The following SEC14L1 variants were observed in gnomAD, a reference collection of about 807,000 sequenced individuals.
SEC14L1 encodes the protein SEC14-like protein 1.
SEC14L1 carries 48 observed loss-of-function variants against 85.3 expected under a neutral mutation model. The ratio of observed to expected loss-of-function variants is 0.56; its 90% CI spans 0.45 to 0.72. SEC14L1 has a LOEUF of 0.72. Ranked by LOEUF, SEC14L1 falls within the 30% of genes least tolerant of loss-of-function variation. The probability of loss-of-function intolerance (pLI) is 0.00; values close to 1 mark genes in which losing one functional copy is unlikely to be tolerated. For synonymous variants in SEC14L1, 391 were observed against 355.5 expected (o/e 1.10, Z -1.12); for missense variants, 682 against 921.4 (o/e 0.74, Z 3.36).
chr17:77,161,361 C>T (rs536743253), intron 3 of SEC14L1, among the ~76,000 whole-genome samples: 1 of 152,302 alleles, frequency 6.6e-6, no homozygotes, highest in South Asian at 2.1e-4. Context: ...GTGGCACCCA[C>T]CTGTAATCCC....
intron 3 of SEC14L1, among the ~76,000 whole-genome samples, chr17:77,116,386 A>T (rs1197100208): frequency 6.6e-6 from 1 of 152,186 alleles, no homozygotes; most frequent in African/African-American, 2.4e-5. Context: ...ACCCAGAAGA[A>T]GGAGAAATTA....
At chr17:77,204,214 T>C (rs1046906776) in intron 10 of SEC14L1, among the ~76,000 whole-genome samples, 3 of 152,126 alleles carry the variant, frequency 2.0e-5, no homozygotes, top group Admixed American at 2.0e-4. Context: ...ATTTTTGGCT[T>C]TATTTTTTAT....
At chr17:77,175,209 C>T (rs763059976) in intron 3 of SEC14L1, among the ~76,000 whole-genome samples, 11 of 152,118 alleles carry the variant, frequency 7.2e-5, no homozygotes, top group Admixed American at 2.6e-4. Flanking sequence ...TCATCTCTGG[C>T]GCTAGTATTG....
rs1977011612 is a variant in SEC14L1 at position 77,215,788 on chromosome 17, C to CTAGTAGGTAGGGCTA, written c.*1765_*1766insTAGTAGGTAGGGCTA. 1 of 864,440 alleles carries CTAGTAGGTAGGGCTA rather than the reference C, an allele frequency of 1.2e-6. No homozygotes were observed. Among genetic ancestry groups the CTAGTAGGTAGGGCTA allele is most frequent in the Non-Finnish European group, 1.4e-6 (1 of 735,032 alleles). The allele number at this position is 864,440 out of a possible 1,614,324, so 53.5% of individuals were successfully genotyped here. On this transcript the variant is annotated 3_prime_UTR_variant, in exon 17 of 17. Transcript: ENST00000436233. ...GTAGGTAGGGCTAGTAGGTAGGGTT[C>CTAGTAGGTAGGGCTA]GTAGGTAGGGTTCGTAGGTAGGGCT... is the stretch of plus-strand genomic sequence containing the variant.
intron 3 of SEC14L1, among the ~76,000 whole-genome samples, chr17:77,189,703 A>G (rs1376322058): frequency 6.6e-6 from 1 of 152,128 alleles, no homozygotes; most frequent in African/African-American, 2.4e-5. Flanking sequence ...ATCTCGGCTC[A>G]CTGCAAGCTC....
chr17:77,113,523 C>G (rs1432840382), intron 3 of SEC14L1, among the ~76,000 whole-genome samples: 1 of 152,152 alleles, frequency 6.6e-6, no homozygotes, highest in African/African-American at 2.4e-5. Context: ...GCAGGTGGAT[C>G]ACCTGAGTTC....
At chr17:77,120,714 T>C (rs1972275303) in intron 3 of SEC14L1, among the ~76,000 whole-genome samples, 1 of 152,170 alleles carries the variant, frequency 6.6e-6, no homozygotes, top group South Asian at 2.1e-4. Flanking sequence ...TGACCTCAGG[T>C]GATCCACCGG....
At chr17:77,156,498 C>T (rs1973821993) in intron 3 of SEC14L1, among the ~76,000 whole-genome samples, 1 of 151,420 alleles carries the variant, frequency 6.6e-6, no homozygotes, top group Admixed American at 6.6e-5. Context: ...TTGCTTGAAC[C>T]CAGGAGGCTG....
rs1977107742 is a variant in SEC14L1 at position 77,216,520 on chromosome 17, C to T, written c.*2497C>T. 5 of 1,612,834 alleles carry T rather than the reference C, an allele frequency of 3.1e-6. No individual in the cohort carries two copies. The highest frequency in any genetic ancestry group is 4.2e-6 in the Non-Finnish European group (5 of 1,179,160). On this transcript the variant is annotated 3_prime_UTR_variant, in exon 17 of 17. Coordinates refer to ENST00000436233, the MANE Select transcript of SEC14L1 (RefSeq NM_001143998.2). Reference sequence around the variant, plus strand: ...CACAAGGGCCTGAAGGTGGTCCCTGCTTTCTCTTTCTCTTTCTCTGTGTCT... The same window carrying T: ...CACAAGGGCCTGAAGGTGGTCCCTGTTTTCTCTTTCTCTTTCTCTGTGTCT...
At chr17:77,170,778 G>T (rs1336420827) in intron 3 of SEC14L1, among the ~76,000 whole-genome samples, 3 of 152,150 alleles carry the variant, frequency 2.0e-5, no homozygotes, top group Non-Finnish European at 4.4e-5. Context: ...GATGAGGGTG[G>T]ATGCCTTGGT....
At chr17:77,112,322 G>A (rs900773954) in intron 3 of SEC14L1, among the ~76,000 whole-genome samples, 9 of 152,136 alleles carry the variant, frequency 5.9e-5, no homozygotes, top group Admixed American at 5.2e-4. Context: ...ACTAATGCAG[G>A]GGGGCTATTA....
Position 77,102,542 on chromosome 17 carries a change from T to C in SEC14L1, c.-136+9195T>C, listed in dbSNP as rs1971801375. 1.3e-5 allele frequency among the ~76,000 whole-genome samples: 2 copies of C among 152,118 alleles called. 1 individual carries two copies. The highest frequency in any genetic ancestry group is 1.3e-4 in the Admixed American group (2 of 15,262). On this transcript the variant is annotated intron_variant, in intron 3 of 19. Transcript: ENST00000392476. The stretch of plus-strand genomic sequence containing the variant: ...TTTTTGAGAGGGAGTCTCACTCTAT[T>C]GCCCAGCCTGGAGTGCAGTGGCGTG...
chr17:77,205,319 A>G lies in SEC14L1; in HGVS notation c.1142A>G (p.Asn381Ser), dbSNP rs1458158249. 6.2e-7 allele frequency: 1 copy of G among 1,614,200 alleles called. No individual in the cohort carries two copies. The highest frequency in any genetic ancestry group is 1.7e-5 in the Admixed American group (1 of 60,022). Reference sequence around the variant, plus strand: ...GAAGGGCTAAGGCGATGCGAAGAGAATACAAAAGTCTTTGGTCGGCCTATC... The same window carrying G: ...GAAGGGCTAAGGCGATGCGAAGAGAGTACAAAAGTCTTTGGTCGGCCTATC... The part of the protein sequence containing the change: ...NEEGLRRCEE[N>S]TKVFGRPISS... Residue 381 changes from asparagine (N) to serine (S), a missense_variant, in exon 11 of 17, where the codon AAT becomes AGT. Around this residue, in one of 3 missense-constraint regions of SEC14L1, gnomAD observed 420 missense variants for 619.5 expected, o/e 0.68. Transcript: ENST00000436233.
At chr17:77,118,356 G>C (rs577683805) in intron 3 of SEC14L1, among the ~76,000 whole-genome samples, 3 of 152,346 alleles carry the variant, frequency 2.0e-5, no homozygotes, top group African/African-American at 4.8e-5. Context: ...AGTGAAGGAG[G>C]CCTTGTTAAT....
intron 10 of SEC14L1, 178 bp from the exon 11 acceptor site, chr17:77,205,098 T>C (rs1449211105): frequency 1.7e-6 from 1 of 581,136 alleles, no homozygotes; most frequent in Non-Finnish European, 3.1e-6. Flanking sequence ...AAGTAGAATT[T>C]ATTTGTTGGT....
At chr17:77,209,511 C>T (rs1441331531) in intron 14 of SEC14L1, 35 bp downstream of exon 14, 3 of 1,607,488 alleles carry the variant, frequency 1.9e-6, no homozygotes, top group Admixed American at 1.7e-5. Flanking sequence ...TGGGCCGGCC[C>T]TTCCTCCGCA....
At chr17:77,140,519 G>A (rs1021358464), upstream of SEC14L1, among the ~76,000 whole-genome samples, 2 of 152,252 alleles carry the variant, frequency 1.3e-5, no homozygotes, top group African/African-American at 4.8e-5. Context: ...CCAGAGGCAG[G>A]CCTCAGAGCA....
chr17:77,201,533 C>G (rs1976144745), intron 9 of SEC14L1, among the ~76,000 whole-genome samples: 1 of 151,976 alleles, frequency 6.6e-6, no homozygotes, highest in Non-Finnish European at 1.5e-5. Flanking sequence ...CTACTGCACC[C>G]TCCACCTTCC....
chr17:77,097,748 G>A (rs563967095), intron 3 of SEC14L1, among the ~76,000 whole-genome samples: 2 of 152,126 alleles, frequency 1.3e-5, no homozygotes, highest in East Asian at 3.9e-4. Flanking sequence ...AACAAGTATT[G>A]CTGGATATGT....
Sources: allele counts gnomAD v4.1 joint callset (sites outside exome capture counted in the v4.1 genomes callset), GRCh38; gene constraint gnomAD v4.1.1; regional missense constraint gnomAD v4.1.1; transcripts MANE v1.5; gene names NCBI Gene and HGNC (gene_info 2026-07-23, HGNC 2026-07-21).